Variants in UNC13B observed in about 807,000 individuals in gnomAD.
The protein encoded by UNC13B is protein unc-13 homolog B.
In UNC13B, 144 loss-of-function variants were observed where a neutral mutation model predicts 211.0. The observed-to-expected ratio is 0.68, with a 90% CI of 0.60 to 0.78. The LOEUF is 0.78. UNC13B is among the 30% of genes least tolerant of loss of function. The pLI is 0.00. For synonymous variants in UNC13B, 709 were observed against 725.8 expected (o/e 0.98, Z 0.37); for missense variants, 1,777 against 2,002.0 (o/e 0.89, Z 2.14).
At chr9:35,364,341 A>G (rs1833631622) in intron 11 of UNC13B, among the ~76,000 whole-genome samples, 1 of 152,174 alleles carries the variant, frequency 6.6e-6, no homozygotes, top group East Asian at 1.9e-4. Context: ...GTTCCAAACT[A>G]AAAATCCTGG....
intron 12 of UNC13B, among the ~76,000 whole-genome samples, chr9:35,368,645 A>G (rs1330212996): frequency 6.6e-6 from 1 of 151,482 alleles, no homozygotes; most frequent in Non-Finnish European, 1.5e-5. Flanking sequence ...ACTGCTTTCC[A>G]CAACGGTTGA....
rs527322446 is a variant in UNC13B, at chr9:35,387,873, G to T, written c.11094+1580G>T. 2.0e-5 allele frequency among the ~76,000 whole-genome samples: 3 copies of T among 152,226 alleles called. No homozygotes were observed. The South Asian group carries it at 6.2e-4, about 32-fold the overall frequency. On this transcript the variant is annotated intron_variant, in intron 24 of 39. Transcript: ENST00000635942. ...GTTTTTTTGTTGTTGTTATTTTGTT[G>T]TTACTATGTTTTATTGTAGTTGTAG...
chr9:35,404,357 T>TACCC lies in UNC13B; in HGVS notation c.*326_*329dup. 1 of 356,272 alleles carries TACCC rather than the reference T, an allele frequency of 2.8e-6. No individual in the cohort carries two copies. The highest frequency in any genetic ancestry group is 5.9e-5 in the East Asian group (1 of 16,910). 22.1% of individuals were successfully genotyped at this position (356,272 alleles called of 1,614,324 possible). A position where few individuals can be genotyped will look rare whatever the true frequency, so the allele number is the denominator to read the frequency against. Reference sequence around the variant, plus strand: ...ACCTCTCCACTCCTCATCCCACCTCTACCCATCTCCATGCCACACCTTATC... The same window carrying TACCC: ...ACCTCTCCACTCCTCATCCCACCTCTACCCACCCATCTCCATGCCACACCTTATC... On this transcript the variant is annotated 3_prime_UTR_variant, in exon 40 of 40. Transcript: ENST00000635942.
intron 6 of UNC13B, among the ~76,000 whole-genome samples, chr9:35,249,828 G>A (rs535404373): frequency 5.9e-5 from 9 of 152,112 alleles, no homozygotes; most frequent in African/African-American, 9.7e-5. Flanking sequence ...TGACAATTAT[G>A]TGTCTTGGAG....
chr9:35,347,559 G>A (rs1014444837), intron 11 of UNC13B, among the ~76,000 whole-genome samples: 3 of 152,146 alleles, frequency 2.0e-5, no homozygotes, highest in South Asian at 2.1e-4. Context: ...TCCATCCCCT[G>A]CTTCAAAGCC....
Position 35,390,622 on chromosome 9 carries a change from C to T in UNC13B, c.11223-7C>T. 1 of 1,613,812 alleles carries T rather than the reference C, an allele frequency of 6.2e-7. No individual in the cohort carries two copies. ...ATTCTCTGACTGTGGTTTCTTCTGT[C>T]ATCCAGGTTTCCTCAGGAGTTGAAT... On this transcript the variant is annotated splice_region_variant and splice_polypyrimidine_tract_variant and intron_variant, in intron 25 of 39. Transcript: ENST00000635942.
At position 35,377,533 on chromosome 9, in the gene UNC13B, A is replaced by G. The variant is rs922184878; in HGVS notation, c.9901A>G (p.Lys3301Glu). 1.2e-6 allele frequency: 2 copies of G among 1,614,128 alleles called. No homozygotes were observed. The highest frequency in any genetic ancestry group is 1.7e-5 in the Admixed American group (1 of 60,012). ...GACCCAGAACATTATCATGGCCATG[A>G]AGGACCGCATGAAGATCCGAGAGCG... ...DRTQNIIMAMKDRMKIRERNK... is the reference protein window; with the variant it reads ...DRTQNIIMAMEDRMKIRERNK... Residue 3301 changes from lysine to glutamate, a missense_variant, in exon 16 of 40, where the codon AAG (lysine) becomes GAG (glutamate). Lys to Glu is a moderately conservative substitution (Grantham distance 56). Coordinates refer to ENST00000635942, the MANE Select transcript of UNC13B (RefSeq NM_001371189.2).
intron 11 of UNC13B, among the ~76,000 whole-genome samples, chr9:35,340,254 C>T (rs1831906532): frequency 6.6e-6 from 1 of 152,124 alleles, no homozygotes; most frequent in South Asian, 2.1e-4. Context: ...GAGGTATGTG[C>T]TCTGCTGTTA....
At chr9:35,353,856 G>T in intron 11 of UNC13B, 1 of 1,180,432 alleles carries the variant, frequency 8.5e-7, no homozygotes, top group South Asian at 4.3e-5. Flanking sequence ...GCTAAAGTAT[G>T]ACCTCCATCT....
chr9:35,177,013 C>T (rs1821671585), intron 1 of UNC13B, among the ~76,000 whole-genome samples: 1 of 152,148 alleles, frequency 6.6e-6, no homozygotes, highest in Non-Finnish European at 1.5e-5. Context: ...GAAGCTGGGG[C>T]TCCTGACCTC....
Position 35,391,132 on chromosome 9 carries a change from C to T in UNC13B, c.11308+418C>T, listed in dbSNP as rs542362796. Among the ~76,000 whole-genome samples the T allele has an allele frequency of 5.3e-5, 8 of 152,330 alleles. No homozygotes were observed. In the South Asian group the frequency reaches 1.7e-3, roughly 32 times the overall value. On this transcript the variant is annotated intron_variant, in intron 26 of 39. Coordinates refer to ENST00000635942, the MANE Select transcript of UNC13B (RefSeq NM_001371189.2). ...TTGGGGACTCTCTGGCCTGGCTTTT[C>T]TTGCAAGCTGCTCTGGATTAGTATG...
chr9:35,352,499 C>A (rs1418292382), intron 11 of UNC13B: 1 of 1,231,906 alleles, frequency 8.1e-7, no homozygotes, highest in Non-Finnish European at 1.0e-6. Flanking sequence ...TTTTCAACAA[C>A]AACATCAGGA....
At chr9:35,355,326 T>C (rs904659453) in intron 11 of UNC13B, among the ~76,000 whole-genome samples, 9 of 152,198 alleles carry the variant, frequency 5.9e-5, no homozygotes, top group Non-Finnish European at 1.3e-4. Flanking sequence ...AGGGAGATTT[T>C]TCTCTGTGTG....
rs1466462143 is a variant in UNC13B, at chr9:35,376,016, T to A, written c.9616-12T>A. 1 of 1,613,896 alleles carries A rather than the reference T, an allele frequency of 6.2e-7. No homozygotes were observed. Among genetic ancestry groups the A allele is most frequent in the South Asian group, 1.1e-5 (1 of 91,078 alleles). ...AAAACAAAAATCATGGGATGGGGTA[T>A]GTGTCTTTCAGAAATCCCACGTGTA... On this transcript the variant is annotated splice_polypyrimidine_tract_variant and intron_variant, in intron 14 of 39. Coordinates refer to ENST00000635942, the MANE Select transcript of UNC13B (RefSeq NM_001371189.2).
At chr9:35,230,147 G>C (rs1587420995) in intron 2 of UNC13B, among the ~76,000 whole-genome samples, 1 of 152,268 alleles carries the variant, frequency 6.6e-6, no homozygotes, top group South Asian at 2.1e-4. Flanking sequence ...TCTCAGGTTA[G>C]AGAATTTCCT....
In UNC13B at chr9:35,404,424, AG is replaced by A; in HGVS notation, c.*392del. 1 of 213,728 alleles carries A rather than the reference AG, an allele frequency of 4.7e-6. No homozygotes were observed. The highest frequency in any genetic ancestry group is 9.5e-6 in the Non-Finnish European group (1 of 105,448). The allele number at this position is 213,728 out of a possible 1,614,324, so 13.2% of individuals were successfully genotyped here. ...TACCAATCATTAGAAGAACAAGTTT[AG>A]AAGGTGTGGAACTTGTGCCTGGCTG... On this transcript the variant is annotated 3_prime_UTR_variant, in exon 40 of 40. Coordinates refer to ENST00000635942, the MANE Select transcript of UNC13B (RefSeq NM_001371189.2).
chr9:35,372,250 C>T (rs1353984207), intron 13 of UNC13B, among the ~76,000 whole-genome samples: 1 of 152,202 alleles, frequency 6.6e-6, no homozygotes, highest in Non-Finnish European at 1.5e-5. Context: ...CCTGCCTGGG[C>T]GACAGTGCAA....
chr9:35,370,427 A>G, intron 13 of UNC13B, 31 bp downstream of exon 13: 1 of 1,605,190 alleles, frequency 6.2e-7, no homozygotes, highest in African/African-American at 1.3e-5. Flanking sequence ...AGGCATAGGC[A>G]GTAGCCTTGG....
chr9:35,401,670 G>T (rs1836308588), intron 37 of UNC13B, among the ~76,000 whole-genome samples: 1 of 152,160 alleles, frequency 6.6e-6, no homozygotes, highest in Admixed American at 6.5e-5. Flanking sequence ...AAAGCCTACA[G>T]CCTGTCTCTT....
Sources: gnomAD v4.1 joint callset for allele counts (sites outside exome capture counted in the v4.1 genomes callset) on GRCh38, gnomAD v4.1.1 for gene constraint, MANE v1.5 for transcripts, NCBI Gene and HGNC (gene_info 2026-07-23, HGNC 2026-07-21) for gene names.